STK11: variants seen among roughly 807,000 people sequenced by gnomAD.
The protein encoded by STK11 is serine/threonine kinase 11.
In STK11, 8 loss-of-function variants were observed where a neutral mutation model predicts 47.3. That is an observed-to-expected ratio of 0.17 (90% CI 0.10 to 0.31). The LOEUF is 0.31. STK11 is among the 10% of genes least tolerant of loss of function. The pLI, the probability that STK11 is intolerant of heterozygous loss-of-function variation, is 1.00. For synonymous variants in STK11, 330 were observed against 255.8 expected (o/e 1.29, Z -2.77); for missense variants, 475 against 605.0 (o/e 0.79, Z 2.25).
intron 1 of STK11, among the ~76,000 whole-genome samples, chr19:1,216,080 A>T (rs896896900): frequency 7.9e-5 from 12 of 152,026 alleles, no homozygotes; most frequent in African/African-American, 1.9e-4. Flanking sequence ...GTTAAGAATT[A>T]AAAAAGAAAA....
Position 1,205,976 on chromosome 19 carries a change from G to C in STK11, c.-938G>C, listed in dbSNP as rs1444659287. ...GCGGCGAGGGGGACGCGCCGCCCGG[G>C]GCCCGGCACCTTCGGGAACCCCCCG... is the stretch of plus-strand genomic sequence containing the variant. On this transcript the variant is annotated 5_prime_UTR_variant, in exon 1 of 10. Transcript: ENST00000326873. 2 of 148,652 alleles carry C rather than the reference G, an allele frequency of 1.3e-5. No individual in the cohort carries two copies. The allele number at this position is 148,652 out of a possible 1,614,324, so 9.2% of individuals were successfully genotyped here. A position where few individuals can be genotyped will look rare whatever the true frequency, so the allele number is the denominator to read the frequency against.
At position 1,226,619 on chromosome 19, in the gene STK11, G is replaced by A. The variant is rs730881992; in HGVS notation, c.1274G>A (p.Arg425His). ...GCCTGCTCCGCCAGCAGCAAGATCC[G>A]CCGGCTGTCGGCCTGCAAGCAGCAG... ...RKACSASSKI[R>H]RLSACKQQ Residue 425 changes from arginine (R) to histidine (H), a missense_variant, in exon 9 of 10, where the codon CGC becomes CAC. Physicochemically the swap from Arg to His is conservative, Grantham distance 29. This residue lies in a region of STK11 where 219 missense variants were observed against 189.2 expected (regional missense o/e 1.16). Transcript: ENST00000326873. The A allele has an allele frequency of 9.7e-6, 15 of 1,548,296 alleles. No individual in the cohort carries two copies. Among genetic ancestry groups the A allele is most frequent in the Non-Finnish European group, 1.0e-5 (12 of 1,147,688 alleles).
chr19:1,226,869 C>G, intron 9 of STK11: 1 of 606,674 alleles, frequency 1.6e-6, no homozygotes, highest in Non-Finnish European at 2.7e-6. Flanking sequence ...GCGTGCTGGT[C>G]ATGGAGGCCT....
At chr19:1,223,984 G>A (rs1033113850) in intron 8 of STK11, 5 of 1,009,066 alleles carry the variant, frequency 5.0e-6, no homozygotes, top group South Asian at 9.3e-5. Flanking sequence ...AGGGGGGTAC[G>A]CCAGGCAGGT....
chr19:1,223,045 C>T lies in STK11; in HGVS notation c.981C>T (p.Asp327=), dbSNP rs2080796456. 6.2e-7 allele frequency: 1 copy of T among 1,600,026 alleles called. No individual in the cohort carries two copies. The highest frequency in any genetic ancestry group is 1.3e-5 in the African/African-American group (1 of 74,650). The part of the protein sequence containing the change: ...EAPVPIPPSP[D]TKDRWRSMTV... ...CAGTGCCCATCCCACCGAGCCCAGA[C>T]ACCAAGGACCGGTGGCGCAGCATGA... is the stretch of plus-strand genomic sequence containing the variant. The change falls in exon 8 of 10, where the codon GAC becomes GAT. Residue 327 remains aspartate, a synonymous_variant. Coordinates refer to ENST00000326873, the MANE Select transcript of STK11 (RefSeq NM_000455.5).
intron 7 of STK11, among the ~76,000 whole-genome samples, chr19:1,222,759 A>G (rs893120425): frequency 1.3e-5 from 2 of 152,180 alleles, no homozygotes; most frequent in Admixed American, 6.5e-5. Flanking sequence ...GCCACCTGGG[A>G]CACAGGCCTC....
intron 1 of STK11, among the ~76,000 whole-genome samples, chr19:1,215,808 C>G (rs181851118): frequency 1.8e-3 from 279 of 152,176 alleles, no homozygotes; most frequent in Admixed American, 2.6e-3. Context: ...GAGATCTCGA[C>G]TCTCTGCAAC....
chr19:1,224,556 G>T, intron 8 of STK11: 2 of 985,516 alleles, frequency 2.0e-6, no homozygotes, highest in Non-Finnish European at 2.4e-6. Flanking sequence ...GGTTGCGAGA[G>T]TCCCTACTGG....
Position 1,227,595 on chromosome 19 carries a change from C to G in STK11, c.*19C>G, listed in dbSNP as rs1341778393. ...TCCGTCTTCCTTCCACCCTGCAGCC[C>G]GTGTCCAGGAGCCCCGCCAGGTGCC... On this transcript the variant is annotated splice_region_variant and 3_prime_UTR_variant, in exon 10 of 10. Coordinates refer to ENST00000326873, the MANE Select transcript of STK11 (RefSeq NM_000455.5). 1.2e-5 allele frequency: 13 copies of G among 1,064,716 alleles called. No homozygotes were observed. The highest frequency in any genetic ancestry group is 1.4e-5 in the Non-Finnish European group (12 of 878,914). The allele number at this position is 1,064,716 out of a possible 1,614,324, so 66.0% of individuals were successfully genotyped here.
intron 1 of STK11, among the ~76,000 whole-genome samples, chr19:1,215,507 C>T (rs999479401): frequency 3.3e-5 from 5 of 152,248 alleles, no homozygotes; most frequent in African/African-American, 4.8e-5. Flanking sequence ...TTCCCTTCAT[C>T]CTGCTCTCCT....
chr19:1,227,806 C>CGCA lies in STK11; in HGVS notation c.*233_*235dup. 9.3e-7 allele frequency: 1 copy of CGCA among 1,073,192 alleles called. No homozygotes were observed. The highest frequency in any genetic ancestry group is 1.1e-6 in the Non-Finnish European group (1 of 884,172). 66.5% of individuals were successfully genotyped at this position (1,073,192 alleles called of 1,614,324 possible). ...GGCAGTGCACGCGGCTTGTTGACTTCGCAGCCCCGGGCGGAGCCTTCCCGG... is the reference window on the plus strand; with the variant it reads ...GGCAGTGCACGCGGCTTGTTGACTTCGCAGCAGCCCCGGGCGGAGCCTTCCCGG... On this transcript the variant is annotated 3_prime_UTR_variant, in exon 10 of 10. Coordinates refer to ENST00000326873, the MANE Select transcript of STK11 (RefSeq NM_000455.5).
At chr19:1,219,287 G>A (rs1315224679) in intron 2 of STK11, 37 bp from the exon 3 acceptor site, 3 of 1,554,904 alleles carry the variant, frequency 1.9e-6, no homozygotes, top group Non-Finnish European at 2.6e-6. Flanking sequence ...CCTGTGAGTG[G>A]GGCCGCCCCC....
chr19:1,212,519 T>C (rs2080718479), intron 1 of STK11, among the ~76,000 whole-genome samples: 1 of 152,134 alleles, frequency 6.6e-6, no homozygotes, highest in African/African-American at 2.4e-5. Context: ...CCCAGAGTGC[T>C]GGGATTACAG....
chr19:1,219,456 G>GGCCGGGA, intron 3 of STK11, 43 bp downstream of exon 3: 1 of 1,539,894 alleles, frequency 6.5e-7, no homozygotes, highest in Non-Finnish European at 8.8e-7. Context: ...GGGGGCCGGG[G>GGCCGGGA]GCCAGGCAGG....
At position 1,220,514 on chromosome 19, in the gene STK11, G is replaced by T. The variant is rs863224361; in HGVS notation, c.597+9G>T. On this transcript the variant is annotated intron_variant, in intron 4 of 9. Transcript: ENST00000326873. ...ACCTGGGCGTGGCCGAGGTAGGCAC[G>T]TGCTAGGGGGGGCCCTGGGGCGCCC... 1.3e-6 allele frequency: 2 copies of T among 1,597,394 alleles called. No homozygotes were observed. The highest frequency in any genetic ancestry group is 1.7e-5 in the Admixed American group (1 of 58,240).
intron 9 of STK11, 165 bp from the exon 10 acceptor site, chr19:1,227,428 C>A (rs2080833024): frequency 1.5e-6 from 1 of 662,994 alleles, no homozygotes; most frequent in Non-Finnish European, 1.9e-6. Flanking sequence ...ACACAATGTA[C>A]CCCGGGAGTG....
intron 7 of STK11, 70 bp downstream of exon 7, chr19:1,222,076 G>A (rs181732930): frequency 6.6e-6 from 10 of 1,522,520 alleles, no homozygotes; most frequent in African/African-American, 1.4e-5. Flanking sequence ...CTGGTTGAGC[G>A]GGCGCTAGAG....
chr19:1,226,201 A>G, intron 8 of STK11: 6 of 1,345,774 alleles, frequency 4.5e-6, no homozygotes, highest in Non-Finnish European at 5.7e-6. Context: ...ACCTGCGGCC[A>G]TGGCAGGTGC....
At chr19:1,219,444 G>GCGGAGGC (rs1568705971) in intron 3 of STK11, 31 bp downstream of exon 3, 1 of 1,304,784 alleles carries the variant, frequency 7.7e-7, no homozygotes, top group Non-Finnish European at 1.1e-6. Flanking sequence ...CCAGGGTGGG[G>GCGGAGGC]CGGGGGCCGG....
Sources: gnomAD v4.1 joint callset for allele counts (sites outside exome capture counted in the v4.1 genomes callset) on GRCh38, gnomAD v4.1.1 for gene constraint, gnomAD v4.1.1 regional missense constraint, MANE v1.5 for transcripts, NCBI Gene and HGNC (gene_info 2026-07-23, HGNC 2026-07-21) for gene names.